Variants in TNKS observed in about 807,000 individuals in gnomAD.
TNKS encodes the protein poly [ADP-ribose] polymerase tankyrase-1.
Under a neutral mutation model 135.8 loss-of-function variants are expected in TNKS, and 72 were observed. The observed-to-expected ratio is 0.53, with a 90% CI of 0.44 to 0.64. The LOEUF is 0.64. Among genes scored for constraint, TNKS ranks in the 30% least tolerant of loss-of-function variants. TNKS has a pLI of 0.00. For synonymous variants in TNKS, 849 were observed against 649.3 expected, an observed-to-expected ratio of 1.31 and a Z score of -4.68; for missense variants, 1,769 against 1,674.0, an observed-to-expected ratio of 1.06 and a Z score of -0.99.
At chr8:9,595,809 G>A (rs974768972) in intron 2 of TNKS, among the ~76,000 whole-genome samples, 3 of 152,010 alleles carry the variant, frequency 2.0e-5, no homozygotes, top group Non-Finnish European at 4.4e-5. Flanking sequence ...CACTTCAATT[G>A]TTCAAAACAA....
intron 3 of TNKS, among the ~76,000 whole-genome samples, chr8:9,664,544 C>T (rs188839962): frequency 8.1e-4 from 124 of 152,306 alleles, no homozygotes; most frequent in African/African-American, 2.8e-3. Flanking sequence ...ATGTACTTAT[C>T]ACTTATCTGA....
chr8:9,729,833 G>T (rs1427900013), intron 13 of TNKS, among the ~76,000 whole-genome samples: 2 of 125,710 alleles, frequency 1.6e-5, no homozygotes, highest in Admixed American at 1.0e-4. Flanking sequence ...AAGTGCAGTA[G>T]CGTGATTTCG....
intron 17 of TNKS, among the ~76,000 whole-genome samples, chr8:9,747,073 G>C (rs2128825929): frequency 6.6e-6 from 1 of 151,778 alleles, no homozygotes; most frequent in East Asian, 1.9e-4. Flanking sequence ...GGTAGGGACG[G>C]GGTTTCACTA....
At chr8:9,632,055 G>A (rs1041118943) in intron 3 of TNKS, among the ~76,000 whole-genome samples, 2 of 152,108 alleles carry the variant, frequency 1.3e-5, no homozygotes, top group South Asian at 4.1e-4. Flanking sequence ...TTCCCTGAAA[G>A]CTTAATGATA....
chr8:9,561,334 C>T (rs1397506189), intron 1 of TNKS, among the ~76,000 whole-genome samples: 2 of 152,166 alleles, frequency 1.3e-5, no homozygotes, highest in Non-Finnish European at 2.9e-5. Flanking sequence ...CTTATAGAAA[C>T]TTCAGAAAGT....
At chr8:9,616,412 G>A (rs1799647876) in intron 3 of TNKS, among the ~76,000 whole-genome samples, 1 of 152,110 alleles carries the variant, frequency 6.6e-6, no homozygotes, top group African/African-American at 2.4e-5. Context: ...TGCTGCCTTT[G>A]CCCTCTTTTA....
chr8:9,574,533 C>A (rs1038190611), intron 1 of TNKS, among the ~76,000 whole-genome samples: 4 of 152,168 alleles, frequency 2.6e-5, no homozygotes, highest in Non-Finnish European at 4.4e-5. Flanking sequence ...ACAGATGATC[C>A]TTTTAAGATT....
chr8:9,671,695 A>C (rs1320661416), intron 3 of TNKS, among the ~76,000 whole-genome samples: 2 of 152,194 alleles, frequency 1.3e-5, no homozygotes, highest in African/African-American at 2.4e-5. Context: ...CAGCTGTATA[A>C]GTTTTTCAAA....
intron 3 of TNKS, among the ~76,000 whole-genome samples, chr8:9,634,525 A>G (rs149822531): frequency 2.6e-5 from 4 of 152,354 alleles, no homozygotes; most frequent in African/African-American, 9.6e-5. Flanking sequence ...TAATTCTGCA[A>G]CTATTTTATG....
At chr8:9,726,817 T>C (rs1805185668) in intron 13 of TNKS, 97 bp downstream of exon 13, 2 of 974,704 alleles carry the variant, frequency 2.1e-6, no homozygotes, top group Non-Finnish European at 3.1e-6. Flanking sequence ...ATACAAACAG[T>C]AAAAAGGATG....
intron 1 of TNKS, among the ~76,000 whole-genome samples, chr8:9,566,903 C>T (rs955943959): frequency 9.9e-5 from 15 of 152,072 alleles, no homozygotes; most frequent in Non-Finnish European, 7.4e-5. Context: ...CCACCGCGCC[C>T]GGCCTAGCCC....
intron 5 of TNKS, among the ~76,000 whole-genome samples, chr8:9,685,687 G>A (rs537758813): frequency 1.1e-4 from 17 of 152,086 alleles, no homozygotes; most frequent in African/African-American, 3.6e-4. Flanking sequence ...TCTTCACCCA[G>A]TGTCACATTT....
intron 12 of TNKS, among the ~76,000 whole-genome samples, chr8:9,721,839 G>C (rs1405555203): frequency 1.3e-5 from 2 of 151,634 alleles, no homozygotes; most frequent in African/African-American, 2.4e-5. Context: ...GGATCACGAG[G>C]TCAGGAGTTC....
At chr8:9,679,369 G>A (rs974910699) in intron 3 of TNKS, among the ~76,000 whole-genome samples, 4 of 152,096 alleles carry the variant, frequency 2.6e-5, no homozygotes, top group Admixed American at 1.3e-4. Flanking sequence ...CATTTGGTAC[G>A]TAGTTCACGT....
At position 9,782,181 on chromosome 8, in the gene TNKS, C is replaced by T. The variant is rs1458930969; in HGVS notation, c.*5445C>T. 4 of 152,596 alleles carry T rather than the reference C, an allele frequency of 2.6e-5. No individual in the cohort carries two copies. The highest frequency in any genetic ancestry group is 9.6e-5 in the African/African-American group (4 of 41,454). The allele number at this position is 152,596 out of a possible 1,614,324, so 9.5% of individuals were successfully genotyped here. A position where few individuals can be genotyped will look rare whatever the true frequency, so the allele number is the denominator to read the frequency against. ...TGGAAGTCCTTTTTCCCTCACCCTC[C>T]ACTTCTTTCCAAAGGAGGGCATCAA... On this transcript the variant is annotated 3_prime_UTR_variant, in exon 27 of 27. Transcript: ENST00000310430.
chr8:9,776,881 G>A lies in TNKS; in HGVS notation c.*145G>A. On this transcript the variant is annotated 3_prime_UTR_variant, in exon 27 of 27. Transcript: ENST00000310430. ...GTCTTCTATAAAGCATTGCTATAGT[G>A]ATGAATAGTATGAGTAACTGATACA... The A allele has an allele frequency of 4.2e-6, 3 of 711,580 alleles. No homozygotes were observed. The highest frequency in any genetic ancestry group is 3.7e-5 in the South Asian group (2 of 53,852). 44.1% of individuals were successfully genotyped at this position (711,580 alleles called of 1,614,324 possible). A position where few individuals can be genotyped will look rare whatever the true frequency, so the allele number is the denominator to read the frequency against.
chr8:9,731,132 G>C, intron 14 of TNKS, 97 bp downstream of exon 14: 1 of 1,314,768 alleles, frequency 7.6e-7, no homozygotes, highest in Non-Finnish European at 1.0e-6. Context: ...TATTAAAAAA[G>C]TAATCGTTAT....
intron 5 of TNKS, among the ~76,000 whole-genome samples, chr8:9,681,843 T>G (rs1802793753): frequency 6.6e-6 from 1 of 152,138 alleles, no homozygotes; most frequent in Non-Finnish European, 1.5e-5. Flanking sequence ...TGGCAAGGAA[T>G]TGAGTCCCTC....
intron 11 of TNKS, among the ~76,000 whole-genome samples, chr8:9,717,102 T>TATATATATATATATATATATA (rs60792807): frequency 2.7e-3 from 329 of 122,556 alleles, no homozygotes; most frequent in South Asian, 3.9e-3. Context: ...TATATATATA[T>TATATATATATATATATATATA]TTTCAGGGAA....
Sources: allele counts gnomAD v4.1 joint callset (sites outside exome capture counted in the v4.1 genomes callset), GRCh38; gene constraint gnomAD v4.1.1; transcripts MANE v1.5; gene names NCBI Gene and HGNC (gene_info 2026-07-23, HGNC 2026-07-21).